TLK2: variants seen among roughly 807,000 people sequenced by gnomAD.
TLK2 encodes tousled like kinase 2, also known as serine/threonine-protein kinase tousled-like 2.
In TLK2, 6 loss-of-function variants were observed where a neutral mutation model predicts 117.3. The ratio of observed to expected loss-of-function variants is 0.05; its 90% CI spans 0.03 to 0.10. The LOEUF is 0.10. TLK2 is among the 10% of genes least tolerant of loss of function. TLK2 has a pLI of 1.00. For missense variants in TLK2, 299 were observed against 901.2 expected (o/e 0.33, Z 8.56); for synonymous variants, 257 against 316.7 (o/e 0.81, Z 2.00).
At chr17:62,560,293 TC>T in intron 10 of TLK2, 167 bp downstream of exon 10, 1 of 426,902 alleles carries the variant, frequency 2.3e-6, no homozygotes, top group South Asian at 4.1e-5. Context: ...AGACCAACCA[TC>T]CAGAGTGTTA....
chr17:62,558,052 A>G (rs1375628996), intron 9 of TLK2, among the ~76,000 whole-genome samples: 2 of 152,228 alleles, frequency 1.3e-5, no homozygotes, highest in Non-Finnish European at 2.9e-5. Context: ...CAGTGAGGGA[A>G]AGACTACATG....
chr17:62,490,793 C>T (rs373030135), intron 2 of TLK2, among the ~76,000 whole-genome samples: 5 of 152,234 alleles, frequency 3.3e-5, no homozygotes, highest in East Asian at 3.8e-4. Flanking sequence ...CCACCTTCCT[C>T]GGCCTCCCAA....
chr17:62,498,701 T>A (rs1460053095), intron 2 of TLK2, among the ~76,000 whole-genome samples: 2 of 152,104 alleles, frequency 1.3e-5, no homozygotes, highest in African/African-American at 4.8e-5. Flanking sequence ...AAGCCCTGTC[T>A]TTTTTACTGT....
chr17:62,512,372 A>G (rs1234864933), intron 2 of TLK2, among the ~76,000 whole-genome samples: 3 of 151,084 alleles, frequency 2.0e-5, no homozygotes, highest in African/African-American at 7.3e-5. Flanking sequence ...ACAGGCATGC[A>G]CCACCACGCC....
intron 21 of TLK2, among the ~76,000 whole-genome samples, chr17:62,609,945 G>A (rs1427219379): frequency 6.6e-6 from 1 of 152,224 alleles, no homozygotes; most frequent in South Asian, 2.1e-4. Flanking sequence ...AAAAAGAGAA[G>A]GGTGGTTGTG....
chr17:62,490,803 A>G (rs1199156615), intron 2 of TLK2, among the ~76,000 whole-genome samples: 1 of 152,226 alleles, frequency 6.6e-6, no homozygotes, highest in Non-Finnish European at 1.5e-5. Flanking sequence ...CGGCCTCCCA[A>G]AATGCTGGGA....
At chr17:62,567,835 T>C (rs1350169421) in intron 11 of TLK2, among the ~76,000 whole-genome samples, 1 of 152,178 alleles carries the variant, frequency 6.6e-6, no homozygotes, top group Non-Finnish European at 1.5e-5. Context: ...TTATTTTTGT[T>C]CACTGGTTCT....
chr17:62,569,730 T>G (rs896359955), intron 11 of TLK2, among the ~76,000 whole-genome samples: 2 of 152,086 alleles, frequency 1.3e-5, no homozygotes, highest in African/African-American at 4.8e-5. Context: ...CCCGGCCACA[T>G]TTTTTAAAAT....
chr17:62,480,136 T>G, intron 1 of TLK2, among the ~76,000 whole-genome samples: 1 of 152,276 alleles, frequency 6.6e-6, no homozygotes, highest in Non-Finnish European at 1.5e-5. Flanking sequence ...GGGTTGTTAC[T>G]GGAGATTGTA....
chr17:62,474,278 CTG>C (rs1319751400), upstream of TLK2, among the ~76,000 whole-genome samples: 3 of 151,918 alleles, frequency 2.0e-5, no homozygotes, highest in African/African-American at 4.8e-5. Context: ...CGGGGTTTCA[CTG>C]TGTTAGCCAG....
chr17:62,563,991 G>T (rs1016393431), intron 10 of TLK2, among the ~76,000 whole-genome samples: 16 of 152,140 alleles, frequency 1.1e-4, no homozygotes, highest in Admixed American at 7.9e-4. Context: ...CTGAGAAGAT[G>T]AATTGGTAAC....
At chr17:62,508,168 G>GTTTTTTTTTTTT (rs34268998) in intron 2 of TLK2, among the ~76,000 whole-genome samples, 1 of 125,760 alleles carries the variant, frequency 8.0e-6, no homozygotes, top group Non-Finnish European at 1.6e-5. Flanking sequence ...AAATTTCCTA[G>GTTTTTTTTTTTT]TTTTTTTTTT....
chr17:62,605,184 C>G (rs2083189406), intron 19 of TLK2, among the ~76,000 whole-genome samples: 1 of 151,584 alleles, frequency 6.6e-6, no homozygotes, highest in Admixed American at 6.6e-5. Flanking sequence ...AAAATTAGCC[C>G]AGCGTGGTGG....
intron 7 of TLK2, chr17:62,550,503 C>CT (rs2078367797): frequency 6.6e-6 from 1 of 152,228 alleles, no homozygotes; most frequent in Non-Finnish European, 1.5e-5. Context: ...TGTGGTTTCT[C>CT]TTACCATGTG....
In TLK2 at chr17:62,612,448, G is replaced by A; in HGVS notation, c.2136G>A (p.Gln712=). The A allele has an allele frequency of 1.1e-5, 18 of 1,614,222 alleles. No homozygotes were observed. The highest frequency in any genetic ancestry group is 1.5e-5 in the Non-Finnish European group (18 of 1,180,040). Residue 712 remains glutamine, a synonymous_variant, in exon 22 of 22, where the codon CAG becomes CAA. Transcript: ENST00000346027. ...YRKEDRIDVQ[Q]LACDPYLLPH... is the part of the protein sequence containing the mutation. ...AGGAGGACCGCATTGATGTCCAGCA[G>A]CTGGCCTGTGATCCCTACTTGTTGC...
At chr17:62,520,488 C>T (rs1428487666) in intron 2 of TLK2, among the ~76,000 whole-genome samples, 1 of 150,734 alleles carries the variant, frequency 6.6e-6, no homozygotes, top group African/African-American at 2.4e-5. Context: ...ACCAGCCTGG[C>T]CAACATGGTG....
At chr17:62,522,361 C>T in intron 4 of TLK2, 88 bp downstream of exon 4, 1 of 1,364,058 alleles carries the variant, frequency 7.3e-7, no homozygotes, top group Non-Finnish European at 1.0e-6. Flanking sequence ...TTAGTTTGTA[C>T]ACAGGGATTC....
At chr17:62,564,036 G>C (rs539554264) in intron 10 of TLK2, among the ~76,000 whole-genome samples, 1 of 152,312 alleles carries the variant, frequency 6.6e-6, no homozygotes, top group Non-Finnish European at 1.5e-5. Flanking sequence ...AGAAGAAACA[G>C]AAAATAGGGA....
chr17:62,547,121 C>T (rs889898363), intron 7 of TLK2, among the ~76,000 whole-genome samples: 1 of 151,906 alleles, frequency 6.6e-6, no homozygotes, highest in Non-Finnish European at 1.5e-5. Flanking sequence ...ATGAAATGAA[C>T]CAAAGCAGTT....
Sources: gnomAD v4.1 joint callset for allele counts (sites outside exome capture counted in the v4.1 genomes callset) on GRCh38, gnomAD v4.1.1 for gene constraint, MANE v1.5 for transcripts, NCBI Gene and HGNC (gene_info 2026-07-23, HGNC 2026-07-21) for gene names.